GPR35: variants seen among roughly 807,000 people sequenced by gnomAD.
GPR35 encodes the protein G protein-coupled receptor 35.
For synonymous variants in GPR35, 207 were observed against 198.4 expected, an observed-to-expected ratio of 1.04 and a Z score of -0.36; for missense variants, 372 against 422.5, an observed-to-expected ratio of 0.88 and a Z score of 1.05.
At position 240,614,701 on chromosome 2, in the gene GPR35, C is replaced by T. The variant is rs181939372; in HGVS notation, c.-576-1687C>T. Reference sequence around the variant, plus strand: ...TTCCTTTAGGGAGGGACCGGGTAGGCGCAGTTGGCATGGCACCGCCATGCC... The same window carrying T: ...TTCCTTTAGGGAGGGACCGGGTAGGTGCAGTTGGCATGGCACCGCCATGCC... On this transcript the variant is annotated intron_variant, in intron 2 of 5. Coordinates refer to the GPR35 transcript ENST00000319838. Among the ~76,000 whole-genome samples the T allele has an allele frequency of 2.4e-4, 37 of 152,312 alleles. No individual in the cohort carries two copies. In the East Asian group the frequency reaches 5.6e-3, roughly 23 times the overall value.
chr2:240,629,997 GC>G lies in GPR35; in HGVS notation c.50del (p.Pro17GlnfsTer17). The part of the protein sequence containing the change: ...NTCGSSDLTW[P>X]PAIKLGFYAY... The stretch of plus-strand genomic sequence containing the variant: ...CCTGTGGCTCCAGCGACCTCACCTG[GC>G]CCCCAGCGATCAAGCTGGGCTTCTA... On this transcript the variant is annotated frameshift_variant, in exon 2 of 2. Transcript: ENST00000407714. LOFTEE classifies it low-confidence loss of function (END_TRUNC). 2 of 1,611,412 alleles carry G rather than the reference GC, an allele frequency of 1.2e-6. No individual in the cohort carries two copies. The highest frequency in any genetic ancestry group is 1.7e-6 in the Non-Finnish European group (2 of 1,178,712).
chr2:240,624,522 C>T (rs2043346684), upstream of GPR35, among the ~76,000 whole-genome samples: 1 of 152,236 alleles, frequency 6.6e-6, no homozygotes. Context: ...GCACTGGTCT[C>T]AGACCTGCCA....
At chr2:240,610,956 G>A (rs1213370256) in intron 2 of GPR35, among the ~76,000 whole-genome samples, 1 of 146,190 alleles carries the variant, frequency 6.8e-6, no homozygotes, top group Non-Finnish European at 1.5e-5. Flanking sequence ...TTTTTGAGAT[G>A]AGGTCTCACT....
At chr2:240,625,169 G>C (rs1367372699), upstream of GPR35, 7 of 686,380 alleles carry the variant, frequency 1.0e-5, no homozygotes, top group Non-Finnish European at 1.3e-5. Context: ...GGCAGAAGTG[G>C]GCTGGGGAGG....
upstream of GPR35, among the ~76,000 whole-genome samples, chr2:240,622,556 A>T (rs1032300516): frequency 6.6e-6 from 1 of 152,224 alleles, no homozygotes; most frequent in African/African-American, 2.4e-5. Context: ...CGTAAATCTC[A>T]TAATGTTTTA....
chr2:240,615,426 C>T (rs1158105455), intron 2 of GPR35, among the ~76,000 whole-genome samples: 1 of 152,254 alleles, frequency 6.6e-6, no homozygotes, highest in African/African-American at 2.4e-5. Context: ...GGCCACAACA[C>T]ACTCCCACGT....
At chr2:240,619,299 T>G (rs946236203) in intron 5 of GPR35, among the ~76,000 whole-genome samples, 1 of 152,222 alleles carries the variant, frequency 6.6e-6, no homozygotes, top group Non-Finnish European at 1.5e-5. Context: ...GTTTCTCTTT[T>G]TATGATCGTT....
At chr2:240,621,794 T>C (rs571014001), upstream of GPR35, among the ~76,000 whole-genome samples, 1 of 152,356 alleles carries the variant, frequency 6.6e-6, no homozygotes, top group South Asian at 2.1e-4. Context: ...ACACCCCAGC[T>C]TTAACTTTTT....
chr2:240,613,314 G>A (rs898827260), intron 2 of GPR35, among the ~76,000 whole-genome samples: 2 of 152,124 alleles, frequency 1.3e-5, no homozygotes, highest in African/African-American at 4.8e-5. Flanking sequence ...CACTATGAGG[G>A]TGGAGAGGGG....
At chr2:240,626,712 G>A (rs988427207) in intron 1 of GPR35, among the ~76,000 whole-genome samples, 5 of 152,168 alleles carry the variant, frequency 3.3e-5, no homozygotes, top group Non-Finnish European at 7.4e-5. Context: ...AGGCCCAGTG[G>A]GGTCACAGGT....
At position 240,630,982 on chromosome 2, in the gene GPR35, C is replaced by A; in HGVS notation, c.*100C>A. On this transcript the variant is annotated 3_prime_UTR_variant, in exon 2 of 2. Transcript: ENST00000407714. ...CAGTAGCAAGGAGCCCGAGATCAGC[C>A]CTGAACTCACTGTGTATTCTCTTGG... The A allele has an allele frequency of 1.1e-6, 1 of 945,584 alleles. No individual in the cohort carries two copies. The highest frequency in any genetic ancestry group is 1.6e-6 in the Non-Finnish European group (1 of 611,002). 58.6% of individuals were successfully genotyped at this position (945,584 alleles called of 1,614,324 possible).
In GPR35 at chr2:240,630,447, C is replaced by T. The variant is rs555861436; in HGVS notation, c.495C>T (p.Ser165=). The change falls in exon 2 of 2, where the codon AGC becomes AGT. Residue 165 remains serine (S), a synonymous_variant. Coordinates refer to ENST00000407714, the MANE Select transcript of GPR35 (RefSeq NM_005301.5). ...AGGAGGGCGGCTTCTGCTTCAGGAGCACCCGGCACAATTTCAACTCCATGG... is the reference window on the plus strand; with the variant it reads ...AGGAGGGCGGCTTCTGCTTCAGGAGTACCCGGCACAATTTCAACTCCATGG... ...GIQEGGFCFR[S]TRHNFNSMAF... 2.4e-4 allele frequency: 395 copies of T among 1,612,882 alleles called. 2 individuals are homozygous for T. The East Asian group carries it at 8.4e-3, about 34-fold the overall frequency.
At chr2:240,627,773 C>T (rs1433166466) in intron 1 of GPR35, 1 of 151,870 alleles carries the variant, frequency 6.6e-6, no homozygotes, top group African/African-American at 2.4e-5. Context: ...CCGTGCCTGC[C>T]TGCAGTTAAA....
intron 2 of GPR35, among the ~76,000 whole-genome samples, chr2:240,611,593 A>T (rs2043182865): frequency 6.6e-6 from 1 of 152,236 alleles, no homozygotes; most frequent in African/African-American, 2.4e-5. Context: ...ACACTGACAT[A>T]TGTGGCCTGG....
chr2:240,620,594 C>T (rs773587032), upstream of GPR35, among the ~76,000 whole-genome samples: 8 of 152,124 alleles, frequency 5.3e-5, no homozygotes, highest in Non-Finnish European at 2.9e-5. Context: ...CCCCTGGGAC[C>T]CCGTGTCCCC....
chr2:240,620,388 C>T (rs1267129984), intron 5 of GPR35, among the ~76,000 whole-genome samples: 3 of 152,114 alleles, frequency 2.0e-5, no homozygotes, highest in Admixed American at 1.3e-4. Context: ...GGAGACGGCC[C>T]CTGAGTGCCC....
chr2:240,622,586 G>A (rs1167358075), upstream of GPR35, among the ~76,000 whole-genome samples: 1 of 152,256 alleles, frequency 6.6e-6, no homozygotes, highest in East Asian at 1.9e-4. Flanking sequence ...ACAAATTTGT[G>A]TTGGGCCACA....
chr2:240,611,198 C>T (rs2043179836), intron 2 of GPR35, among the ~76,000 whole-genome samples: 2 of 151,730 alleles, frequency 1.3e-5, no homozygotes, highest in East Asian at 1.9e-4. Context: ...GAACTCCTGA[C>T]CCCAAATGAT....
exon 5 of GPR35, chr2:240,619,018 C>T (rs1356745760): frequency 5.7e-6 from 4 of 702,680 alleles, no homozygotes; most frequent in South Asian, 1.5e-5. Context: ...GCTTCATAGT[C>T]CTTGCGTCTC....
Sources: gnomAD v4.1 joint callset for allele counts (sites outside exome capture counted in the v4.1 genomes callset) on GRCh38, gnomAD v4.1.1 for gene constraint, MANE v1.5 for transcripts, NCBI Gene and HGNC (gene_info 2026-07-23, HGNC 2026-07-21) for gene names.